The following PTPN4 variants were observed in gnomAD, a reference collection of about 807,000 sequenced individuals.
PTPN4 encodes tyrosine-protein phosphatase non-receptor type 4.
Under a neutral mutation model 135.5 loss-of-function variants are expected in PTPN4, and 49 were observed. The ratio of observed to expected loss-of-function variants is 0.36; its 90% CI spans 0.29 to 0.46. The LOEUF is 0.46. Ranked by LOEUF, PTPN4 falls within the 20% of genes least tolerant of loss-of-function variation. The pLI is 1.00. For missense variants in PTPN4, 860 were observed against 1,101.0 expected, an observed-to-expected ratio of 0.78 and a Z score of 3.10; for synonymous variants, 333 against 369.9, an observed-to-expected ratio of 0.90 and a Z score of 1.14.
chr2:119,956,788 A>G lies in PTPN4; in HGVS notation c.1981-56A>G, dbSNP rs1398534418. 6 of 1,577,030 alleles carry G rather than the reference A, an allele frequency of 3.8e-6. No homozygotes were observed. In the Admixed American group the frequency reaches 1.1e-4, roughly 28 times the overall value. ...AGTGTAGAAACAAGTCTGGTAAACA[A>G]AAGAGAAATTGTTTATGGCTTTTGT... On this transcript the variant is annotated intron_variant, in intron 20 of 26. Coordinates refer to ENST00000263708, the MANE Select transcript of PTPN4 (RefSeq NM_002830.4).
At chr2:119,913,460 T>C (rs1678602805) in intron 10 of PTPN4, among the ~76,000 whole-genome samples, 2 of 152,182 alleles carry the variant, frequency 1.3e-5, no homozygotes, top group South Asian at 4.1e-4. Flanking sequence ...CTTATTATTG[T>C]TTCATATATT....
chr2:119,979,680 G>C lies in PTPN4; in HGVS notation c.*2610G>C, dbSNP rs547812898. Reference sequence around the variant, plus strand: ...AGCTTTCATACACCATGTAGTTCTAGACTCCGTCCATATCAGTGTAACATT... The same window carrying C: ...AGCTTTCATACACCATGTAGTTCTACACTCCGTCCATATCAGTGTAACATT... On this transcript the variant is annotated 3_prime_UTR_variant, in exon 27 of 27. Coordinates refer to ENST00000263708, the MANE Select transcript of PTPN4 (RefSeq NM_002830.4). 2 of 152,108 alleles carry C rather than the reference G, an allele frequency of 1.3e-5. No individual in the cohort carries two copies. Among genetic ancestry groups the C allele is most frequent in the Admixed American group, 6.6e-5 (1 of 15,256 alleles). 9.4% of individuals were successfully genotyped at this position (152,108 alleles called of 1,614,324 possible).
At chr2:119,786,453 C>T (rs768462560) in intron 1 of PTPN4, among the ~76,000 whole-genome samples, 1 of 152,160 alleles carries the variant, frequency 6.6e-6, no homozygotes. Context: ...AGACTTTTCT[C>T]TTTTCATTGC....
intron 2 of PTPN4, among the ~76,000 whole-genome samples, chr2:119,835,507 CCTTCT>C (rs763868547): frequency 1.3e-5 from 2 of 151,906 alleles, no homozygotes; most frequent in Non-Finnish European, 2.9e-5. Context: ...GAAGTTTCTG[CCTTCT>C]CTTATTAATC....
intron 1 of PTPN4, among the ~76,000 whole-genome samples, chr2:119,806,757 A>G (rs1462728285): frequency 1.3e-5 from 2 of 152,154 alleles, no homozygotes; most frequent in African/African-American, 2.4e-5. Flanking sequence ...CTCCACCCCA[A>G]ATCAGCAGAA....
At chr2:119,808,269 A>G (rs1041725922) in intron 1 of PTPN4, among the ~76,000 whole-genome samples, 1 of 152,194 alleles carries the variant, frequency 6.6e-6, no homozygotes, top group African/African-American at 2.4e-5. Flanking sequence ...TTCAGTTAGG[A>G]AAAGAGGAAG....
intron 2 of PTPN4, among the ~76,000 whole-genome samples, chr2:119,841,247 A>C (rs1473343043): frequency 6.6e-6 from 1 of 152,216 alleles, no homozygotes. Flanking sequence ...TGTAAAATAC[A>C]AAGTTAAAAA....
Position 119,982,402 on chromosome 2 carries a change from A to C in PTPN4, c.*5332A>C, listed in dbSNP as rs1679709124. The C allele has an allele frequency of 2.0e-5, 3 of 152,182 alleles. No individual in the cohort carries two copies. The highest frequency in any genetic ancestry group is 1.3e-4 in the Admixed American group (2 of 15,266). 9.4% of individuals were successfully genotyped at this position (152,182 alleles called of 1,614,324 possible). On this transcript the variant is annotated 3_prime_UTR_variant, in exon 27 of 27. Coordinates refer to ENST00000263708, the MANE Select transcript of PTPN4 (RefSeq NM_002830.4). ...TCTAAGGATACTCTATTTGTTTTAAAGTCTACACGGGATTGAAAAGAAAGG... is the reference window on the plus strand; with the variant it reads ...TCTAAGGATACTCTATTTGTTTTAACGTCTACACGGGATTGAAAAGAAAGG...
intron 11 of PTPN4, among the ~76,000 whole-genome samples, chr2:119,919,566 T>C (rs966631463): frequency 1.2e-4 from 18 of 152,252 alleles, no homozygotes; most frequent in African/African-American, 4.1e-4. Flanking sequence ...GCTCATGATA[T>C]AATCCCAGCA....
At chr2:119,867,649 A>C (rs1391375303) in intron 3 of PTPN4, among the ~76,000 whole-genome samples, 1 of 152,096 alleles carries the variant, frequency 6.6e-6, no homozygotes, top group East Asian at 1.9e-4. Context: ...ATTCTATAGA[A>C]TTTTGTACCT....
intron 8 of PTPN4, among the ~76,000 whole-genome samples, chr2:119,884,454 C>T (rs184344703): frequency 2.5e-4 from 38 of 152,262 alleles, no homozygotes; most frequent in Admixed American, 2.4e-3. Context: ...ATTTACTGTC[C>T]AGCCCTTTGC....
At chr2:119,875,333 T>A (rs989185783) in intron 3 of PTPN4, among the ~76,000 whole-genome samples, 2 of 152,346 alleles carry the variant, frequency 1.3e-5, no homozygotes, top group Non-Finnish European at 2.9e-5. Context: ...TTTGTACTTC[T>A]AAGCTATGTC....
chr2:119,856,107 G>A lies in PTPN4; in HGVS notation c.139-6429G>A, dbSNP rs536671080. ...GCATGAGCCACCGCGCCCAGCCTAT[G>A]TAATTCTTTACATTATAGTCAACAT... On this transcript the variant is annotated intron_variant, in intron 2 of 26. Transcript: ENST00000263708. Among the ~76,000 whole-genome samples the A allele has an allele frequency of 7.2e-5, 11 of 152,226 alleles. No homozygotes were observed. In the East Asian group the frequency reaches 1.7e-3, roughly 24 times the overall value.
At chr2:119,833,500 T>C (rs1184152596) in intron 2 of PTPN4, among the ~76,000 whole-genome samples, 1 of 152,184 alleles carries the variant, frequency 6.6e-6, no homozygotes, top group Non-Finnish European at 1.5e-5. Flanking sequence ...TAGTTCTAAT[T>C]ATTTGAAGTT....
intron 2 of PTPN4, among the ~76,000 whole-genome samples, chr2:119,849,910 A>C (rs1482153360): frequency 6.6e-6 from 1 of 152,234 alleles, no homozygotes; most frequent in Non-Finnish European, 1.5e-5. Flanking sequence ...CAGTATATAA[A>C]TAGAGCATAA....
chr2:119,936,102 A>G (rs1678978627), intron 15 of PTPN4, among the ~76,000 whole-genome samples: 1 of 151,710 alleles, frequency 6.6e-6, no homozygotes, highest in South Asian at 2.1e-4. Flanking sequence ...TCCCGGGTTC[A>G]CGCCATTCTC....
rs573311962 is a variant in PTPN4, at chr2:119,806,781, C to T, written c.-17-3056C>T. On this transcript the variant is annotated intron_variant, in intron 1 of 26. Coordinates refer to ENST00000263708, the MANE Select transcript of PTPN4 (RefSeq NM_002830.4). ...AAATCAGCAGAATATACATTCTTCT[C>T]AGCACCACATCACACACCACATCCA... 3.9e-5 allele frequency among the ~76,000 whole-genome samples: 6 copies of T among 152,290 alleles called. No individual in the cohort carries two copies. The South Asian group carries it at 1.2e-3, about 32-fold the overall frequency.
At chr2:119,831,408 A>C (rs890364696) in intron 2 of PTPN4, among the ~76,000 whole-genome samples, 2 of 152,196 alleles carry the variant, frequency 1.3e-5, no homozygotes, top group Admixed American at 1.3e-4. Flanking sequence ...TAAATGGAAT[A>C]GTTTATTTTT....
intron 12 of PTPN4, among the ~76,000 whole-genome samples, chr2:119,924,025 TACTC>T (rs1022019541): frequency 7.9e-5 from 12 of 151,366 alleles, no homozygotes; most frequent in Non-Finnish European, 1.6e-4. Context: ...TAGTCCCAGT[TACTC>T]GGGAGGCTGA....
Sources: allele counts gnomAD v4.1 joint callset (sites outside exome capture counted in the v4.1 genomes callset), GRCh38; gene constraint gnomAD v4.1.1; transcripts MANE v1.5; gene names NCBI Gene and HGNC (gene_info 2026-07-23, HGNC 2026-07-21).